Variants in SLC2A7 observed in about 807,000 individuals in gnomAD.
The protein encoded by SLC2A7 is solute carrier family 2, facilitated glucose transporter member 7.
A neutral mutation model predicts 50.5 loss-of-function variants in SLC2A7; 50 were observed. The ratio of observed to expected loss-of-function variants is 0.99; its 90% CI spans 0.79 to 1.25. The LOEUF (loss-of-function observed/expected upper bound fraction) is 1.25. Among genes scored for constraint, SLC2A7 ranks in the 50% most tolerant of loss-of-function variants. The pLI, the probability that SLC2A7 is intolerant of heterozygous loss-of-function variation, is 0.00. For synonymous variants in SLC2A7, 308 were observed against 300.4 expected, an observed-to-expected ratio of 1.03 and a Z score of -0.26; for missense variants, 683 against 679.1, an observed-to-expected ratio of 1.01 and a Z score of -0.06.
In SLC2A7 at chr1:9,015,130, G is replaced by A. The variant is rs1259298782; in HGVS notation, c.702C>T (p.Ala234=). The A allele has an allele frequency of 9.3e-6, 15 of 1,613,348 alleles. No individual in the cohort carries two copies. The highest frequency in any genetic ancestry group is 1.3e-5 in the Non-Finnish European group (15 of 1,179,860). Reference sequence around the variant, plus strand: ...GCGACTTCATACCTTGTCGCGCTGTGGCTTCATCTCCTTTCTGAATCAGGG... The same window carrying A: ...GCGACTTCATACCTTGTCGCGCTGTAGCTTCATCTCCTTTCTGAATCAGGG... ...RYSLIQKGDE[A]TARQALRRLR... The change falls in exon 6 of 12, where the codon GCC becomes GCT. Residue 234 remains alanine (A), a synonymous_variant. Coordinates refer to ENST00000400906, the MANE Select transcript of SLC2A7 (RefSeq NM_207420.3).
At chr1:9,013,413 T>G in intron 8 of SLC2A7, 112 bp downstream of exon 8, 1 of 780,590 alleles carries the variant, frequency 1.3e-6, no homozygotes. Context: ...GTCCCTTAAA[T>G]GACCCCAGGA....
chr1:9,003,473 G>A lies in SLC2A7; in HGVS notation c.1366C>T (p.Leu456Phe), dbSNP rs1640605283. 2 of 1,614,088 alleles carry A rather than the reference G, an allele frequency of 1.2e-6. No individual in the cohort carries two copies. The highest frequency in any genetic ancestry group is 1.1e-5 in the South Asian group (1 of 91,090). Residue 456 changes from leucine to phenylalanine, a missense_variant, in exon 12 of 12, where the codon CTC (leucine) becomes TTC (phenylalanine). Coordinates refer to ENST00000400906, the MANE Select transcript of SLC2A7 (RefSeq NM_207420.3). ...YSFIIFAGICLLTAIYIYVVI... is the reference protein window; with the variant it reads ...YSFIIFAGICFLTAIYIYVVI... Reference sequence around the variant, plus strand: ...ACGTAGATGTAAATCGCAGTGAGGAGGCAGATTCCGGCAAAGATGATGAAA... The same window carrying A: ...ACGTAGATGTAAATCGCAGTGAGGAAGCAGATTCCGGCAAAGATGATGAAA...
At chr1:8,998,100 T>C (rs1486815823), downstream of SLC2A7, among the ~76,000 whole-genome samples, 1 of 152,188 alleles carries the variant, frequency 6.6e-6, no homozygotes, top group Non-Finnish European at 1.5e-5. Context: ...CAGTTGCTTC[T>C]GTTGGAAAAT....
At chr1:9,018,654 G>A (rs749767449) in intron 4 of SLC2A7, among the ~76,000 whole-genome samples, 1 of 152,184 alleles carries the variant, frequency 6.6e-6, no homozygotes, top group Admixed American at 6.5e-5. Flanking sequence ...CTAGGCCTCC[G>A]TGTGTCCCTG....
chr1:9,020,231 G>A (rs1478479554), intron 3 of SLC2A7, among the ~76,000 whole-genome samples: 1 of 152,188 alleles, frequency 6.6e-6, no homozygotes, highest in Admixed American at 6.5e-5. Flanking sequence ...GGGGAGGGCA[G>A]GAACAAAGAA....
At chr1:9,022,113 C>T (rs1640920924) in intron 3 of SLC2A7, among the ~76,000 whole-genome samples, 1 of 152,196 alleles carries the variant, frequency 6.6e-6, no homozygotes, top group African/African-American at 2.4e-5. Flanking sequence ...TTTCAATCAG[C>T]GCTATTTTTT....
At chr1:8,994,167 C>A in the SLC2A7 span, among the ~76,000 whole-genome samples, 4 of 152,346 alleles carry the variant, frequency 2.6e-5, no homozygotes, top group Middle Eastern at 3.4e-3. Context: ...CCAAGTGTAA[C>A]CGTGAATCCA....
rs1480184986 is a variant in SLC2A7 at position 9,008,612 on chromosome 1, T to TTTG, written c.1117-1228_1117-1227insCAA. Among the ~76,000 whole-genome samples the TTTG allele has an allele frequency of 6.6e-6, 1 of 151,502 alleles. No individual in the cohort carries two copies. Among genetic ancestry groups the TTTG allele is most frequent in the African/African-American group, 2.4e-5 (1 of 41,230 alleles). On this transcript the variant is annotated intron_variant, in intron 9 of 11. Coordinates refer to ENST00000400906, the MANE Select transcript of SLC2A7 (RefSeq NM_207420.3). The surrounding 1 kb of genome is among the most constrained non-coding windows in gnomAD (Gnocchi z 5.9). ...CTAAGAACTTATATTGGTTTTTTTT[T>TTTG]TTTTTAGACAGAATCTCGCTCTGTC...
chr1:8,996,415 C>G, the SLC2A7 span, among the ~76,000 whole-genome samples: 1 of 152,188 alleles, frequency 6.6e-6, no homozygotes, highest in Non-Finnish European at 1.5e-5. Context: ...GTTTGCTTAC[C>G]CATTCACCTT....
At chr1:9,010,683 G>C (rs1387340440) in intron 8 of SLC2A7, among the ~76,000 whole-genome samples, 32 of 152,146 alleles carry the variant, frequency 2.1e-4, no homozygotes, top group Admixed American at 2.1e-3. Context: ...TCTTACCCCT[G>C]CTGCCTGCAT....
Position 9,003,419 on chromosome 1 carries a change from A to G in SLC2A7, c.1420T>C (p.Phe474Leu), listed in dbSNP as rs146720870. 1 of 1,614,030 alleles carries G rather than the reference A, an allele frequency of 6.2e-7. No individual in the cohort carries two copies. Among genetic ancestry groups the G allele is most frequent in the African/African-American group, 1.3e-5 (1 of 74,890 alleles). The change falls in exon 12 of 12, where the codon TTT becomes CTT. Residue 474 changes from phenylalanine to leucine, a missense_variant. Coordinates refer to ENST00000400906, the MANE Select transcript of SLC2A7 (RefSeq NM_207420.3). The part of the protein sequence containing the change: ...VVIPETKGKT[F>L]VEINRIFAKR... ...GCAAAAATGCGGTTTATCTCCACAA[A>G]TGTTTTGCCCTTGGTCTCCGGAATA... is the stretch of plus-strand genomic sequence containing the variant.
At chr1:9,024,826 G>A in intron 2 of SLC2A7, 150 bp downstream of exon 2, 1 of 773,512 alleles carries the variant, frequency 1.3e-6, no homozygotes, top group Non-Finnish European at 2.1e-6. Context: ...GAGCATCCAG[G>A]GTACTAGGGC....
chr1:9,024,925 C>T (rs1367674709), intron 2 of SLC2A7, 51 bp downstream of exon 2: 5 of 1,592,770 alleles, frequency 3.1e-6, no homozygotes, highest in Non-Finnish European at 4.3e-6. Flanking sequence ...CTTCCACCCA[C>T]GACCCCGGTC....
chr1:9,015,083 G>A, intron 6 of SLC2A7, 34 bp downstream of exon 6: 2 of 1,610,586 alleles, frequency 1.2e-6, no homozygotes, highest in Non-Finnish European at 1.7e-6. Flanking sequence ...CCCGGGGTGG[G>A]CAGGGCCTGG....
chr1:9,018,398 CA>C lies in SLC2A7; in HGVS notation c.437-24del. The C allele has an allele frequency of 2.5e-6, 4 of 1,613,096 alleles. 1 individual carries two copies. The Admixed American group carries it at 6.7e-5, about 27-fold the overall frequency. On this transcript the variant is annotated intron_variant, in intron 4 of 11. Coordinates refer to ENST00000400906, the MANE Select transcript of SLC2A7 (RefSeq NM_207420.3). ...TGCCTGGTTTGGGCACAGCAGAAAT[CA>C]GGGCAGGCAAACCGCAAACGCAGAA...
rs59752312 is a variant in SLC2A7, at chr1:9,015,723, CTT to C, written c.590-483_590-482del. ...TGGTATGGTGGGAAGTGGACAAGTT[CTT>C]TTTTTTTTTTTTTTTTGAGACAGAG... On this transcript the variant is annotated intron_variant, in intron 5 of 11. Transcript: ENST00000400906. 3.5e-3 allele frequency among the ~76,000 whole-genome samples: 448 copies of C among 129,372 alleles called. 5 individuals are homozygous for C. Among genetic ancestry groups the C allele is most frequent in the African/African-American group, 0.011 (372 of 34,552 alleles). 84.9% of individuals were successfully genotyped at this position (129,372 alleles called of 152,430 possible).
intron 5 of SLC2A7, 41 bp downstream of exon 5, chr1:9,018,182 G>A (rs202245940): frequency 1.1e-4 from 179 of 1,610,626 alleles, no homozygotes; most frequent in South Asian, 2.5e-4. Context: ...ACAGCCGAAC[G>A]AGAGACTGGA....
the SLC2A7 span, among the ~76,000 whole-genome samples, chr1:8,992,787 C>G: frequency 6.6e-6 from 1 of 152,144 alleles, no homozygotes; most frequent in African/African-American, 2.4e-5. Flanking sequence ...CTTTGCACAT[C>G]CTGTCTGTGG....
At chr1:9,018,041 A>G (rs1172115681) in intron 5 of SLC2A7, among the ~76,000 whole-genome samples, 182 bp downstream of exon 5, 1 of 151,918 alleles carries the variant, frequency 6.6e-6, no homozygotes, top group Non-Finnish European at 1.5e-5. Flanking sequence ...CCTAAGCACG[A>G]TTTGTCGCCA....
Sources: gnomAD v4.1 joint callset for allele counts (sites outside exome capture counted in the v4.1 genomes callset) on GRCh38, gnomAD v4.1.1 for gene constraint, Gnocchi (gnomAD v3.1) non-coding constraint, MANE v1.5 for transcripts, NCBI Gene and HGNC (gene_info 2026-07-23, HGNC 2026-07-21) for gene names.